Variants in CALD1 observed in about 807,000 individuals in gnomAD.
The protein encoded by CALD1 is caldesmon.
CALD1 carries 33 observed loss-of-function variants against 99.9 expected under a neutral mutation model. The observed-to-expected ratio is 0.33, with a 90% CI of 0.25 to 0.44. The LOEUF is 0.44. Ranked by LOEUF, CALD1 falls within the 20% of genes least tolerant of loss-of-function variation. The pLI, the probability that CALD1 is intolerant of heterozygous loss-of-function variation, is 1.00. For missense variants in CALD1, 861 were observed against 962.1 expected (o/e 0.89, Z 1.39); for synonymous variants, 310 against 325.0 (o/e 0.95, Z 0.50).
chr7:134,824,562 T>A (rs1389346197), intron 1 of CALD1, among the ~76,000 whole-genome samples: 1 of 152,164 alleles, frequency 6.6e-6, no homozygotes, highest in African/African-American at 2.4e-5. Context: ...TAGCTTCAAC[T>A]CTTCCACCTC....
intron 2 of CALD1, among the ~76,000 whole-genome samples, chr7:134,856,940 C>G (rs1170963903): frequency 6.6e-6 from 1 of 152,046 alleles, no homozygotes; most frequent in South Asian, 2.1e-4. Context: ...GAGCCTAATG[C>G]GGAGTATAAG....
chr7:134,766,141 C>CTTTTTTTTTTT lies in CALD1; in HGVS notation c.-130+21796_-130+21806dup, dbSNP rs71172475. On this transcript the variant is annotated intron_variant, in intron 1 of 13. Transcript: ENST00000417172. ...GAGCCCCTTAAACCTCTTTTCTTTTCTTTTTTTTTTTTTTTTTTTTTTTTT... is the reference window on the plus strand; with the variant it reads ...GAGCCCCTTAAACCTCTTTTCTTTTCTTTTTTTTTTTTTTTTTTTTTTTTTTTTTTTTTTTT... 1.5e-3 allele frequency among the ~76,000 whole-genome samples: 109 copies of CTTTTTTTTTTT among 70,812 alleles called. 1 individual carries two copies. Among genetic ancestry groups the CTTTTTTTTTTT allele is most frequent in the Non-Finnish European group, 2.2e-3 (80 of 36,858 alleles). 46.5% of individuals were successfully genotyped at this position (70,812 alleles called of 152,430 possible).
intron 1 of CALD1, among the ~76,000 whole-genome samples, chr7:134,771,918 T>A (rs566905896): frequency 5.2e-4 from 79 of 152,298 alleles, no homozygotes; most frequent in South Asian, 1.0e-3. Context: ...ACTCTTTTTT[T>A]AAATTTTTTT....
intron 3 of CALD1, among the ~76,000 whole-genome samples, chr7:134,907,827 CCTT>C (rs1803514770): frequency 6.6e-6 from 1 of 151,998 alleles, no homozygotes; most frequent in Non-Finnish European, 1.5e-5. Flanking sequence ...CACGAGCAAT[CCTT>C]CTGGCCGCTG....
chr7:134,726,981 A>G, the CALD1 span, among the ~76,000 whole-genome samples: 1 of 152,180 alleles, frequency 6.6e-6, no homozygotes, highest in African/African-American at 2.4e-5. Context: ...GCCAACCTCC[A>G]GAAATGTTCC....
At chr7:134,895,098 T>G (rs189780735) in intron 3 of CALD1, among the ~76,000 whole-genome samples, 2 of 67,548 alleles carry the variant, frequency 3.0e-5, no homozygotes, top group Admixed American at 1.2e-4. Flanking sequence ...TGCTGGGAAA[T>G]AAATAAATAA....
In CALD1 at chr7:134,847,640, G is replaced by A. The variant is rs542082013; in HGVS notation, c.-42+3669G>A. 3.9e-5 allele frequency among the ~76,000 whole-genome samples: 6 copies of A among 152,304 alleles called. No individual in the cohort carries two copies. In the South Asian group the frequency reaches 8.3e-4, roughly 21 times the overall value. On this transcript the variant is annotated intron_variant, in intron 2 of 14. Coordinates refer to ENST00000361675, the MANE Select transcript of CALD1 (RefSeq NM_033138.4). Reference sequence around the variant, plus strand: ...GTAGAGGACATTCCAACACCACCACGTGCAGCTTTAGTAACCTTGCCCAAA... The same window carrying A: ...GTAGAGGACATTCCAACACCACCACATGCAGCTTTAGTAACCTTGCCCAAA...
intron 3 of CALD1, among the ~76,000 whole-genome samples, chr7:134,894,993 A>G (rs1369012942): frequency 6.6e-6 from 1 of 151,944 alleles, no homozygotes; most frequent in Non-Finnish European, 1.5e-5. Flanking sequence ...ACAAACATGG[A>G]AGGGTATGTA....
chr7:134,819,669 G>A (rs933982521), intron 1 of CALD1, among the ~76,000 whole-genome samples: 2 of 152,114 alleles, frequency 1.3e-5, no homozygotes, highest in Non-Finnish European at 2.9e-5. Context: ...CATCTAAGAA[G>A]CCCTTGTAAA....
chr7:134,960,152 AT>A (rs1808149966), intron 12 of CALD1, 41 bp downstream of exon 12: 6 of 1,603,742 alleles, frequency 3.7e-6, no homozygotes, highest in African/African-American at 1.3e-5. Context: ...AGAGGGGCAT[AT>A]TTTTTTGCAT....
At chr7:134,870,716 TTTCC>T (rs946209250) in intron 3 of CALD1, among the ~76,000 whole-genome samples, 1 of 150,902 alleles carries the variant, frequency 6.6e-6, no homozygotes, top group Non-Finnish European at 1.5e-5. Context: ...CTTCCATTCA[TTTCC>T]TTCCTTCCTC....
intron 3 of CALD1, among the ~76,000 whole-genome samples, chr7:134,915,590 T>C (rs1804147362): frequency 6.6e-6 from 1 of 152,192 alleles, no homozygotes; most frequent in Non-Finnish European, 1.5e-5. Flanking sequence ...CCTCAAGTCA[T>C]TTAAGTGCTG....
At chr7:134,785,037 T>C (rs1797253292) in intron 1 of CALD1, among the ~76,000 whole-genome samples, 1 of 152,152 alleles carries the variant, frequency 6.6e-6, no homozygotes, top group Admixed American at 6.5e-5. Context: ...ATCCAGGCAG[T>C]GGTCACCCCT....
chr7:134,726,156 T>C, the CALD1 span, among the ~76,000 whole-genome samples: 1 of 151,618 alleles, frequency 6.6e-6, no homozygotes, highest in Non-Finnish European at 1.5e-5. Flanking sequence ...AAATCCACAA[T>C]GGCTAACATC....
intron 2 of CALD1, among the ~76,000 whole-genome samples, chr7:134,862,446 G>A (rs1800603590): frequency 6.6e-6 from 1 of 152,184 alleles, no homozygotes; most frequent in South Asian, 2.1e-4. Context: ...GTGTTGTTAA[G>A]TGGAATAAGC....
Position 134,958,075 on chromosome 7 carries a change from G to A in CALD1, c.1942G>A (p.Glu648Lys), listed in dbSNP as rs1488791128. 6.2e-7 allele frequency: 1 copy of A among 1,604,610 alleles called. No individual in the cohort carries two copies. The highest frequency in any genetic ancestry group is 1.7e-5 in the Admixed American group (1 of 59,982). Residue 648 changes from glutamate (E) to lysine (K), a missense_variant, in exon 10 of 15, where the codon GAG becomes AAG. Glu to Lys is a moderately conservative substitution (Grantham distance 56). Around this residue, in one of 5 missense-constraint regions of CALD1, gnomAD observed 190 missense variants for 249.0 expected, o/e 0.76. Coordinates refer to ENST00000361675, the MANE Select transcript of CALD1 (RefSeq NM_033138.4). Reference sequence around the variant, plus strand: ...TTTCTTTTGTAATTCCTAGATAGAAGAGCGAGCAGAATTTTTGAATAAGTC... The same window carrying A: ...TTTCTTTTGTAATTCCTAGATAGAAAAGCGAGCAGAATTTTTGAATAAGTC... ...TPKGSSLKIEERAEFLNKSVQ... is the reference protein window; with the variant it reads ...TPKGSSLKIEKRAEFLNKSVQ...
At chr7:134,758,501 GGTGTGTGTGTGTGTGTGT>G (rs59389296) in intron 1 of CALD1, among the ~76,000 whole-genome samples, 4 of 145,114 alleles carry the variant, frequency 2.8e-5, no homozygotes, top group African/African-American at 2.6e-5. Flanking sequence ...CTCCCATTGG[GGTGTGTGTGTGTGTGTGT>G]GTGTGTGTGT....
upstream of CALD1, among the ~76,000 whole-genome samples, chr7:134,776,515 A>G (rs1170383866): frequency 6.6e-6 from 1 of 152,090 alleles, no homozygotes; most frequent in African/African-American, 2.4e-5. Context: ...GTTGGATTCA[A>G]TTACTAATTT....
chr7:134,785,226 C>T (rs2131708891), intron 1 of CALD1, among the ~76,000 whole-genome samples: 1 of 152,282 alleles, frequency 6.6e-6, no homozygotes, highest in Non-Finnish European at 1.5e-5. Context: ...CACTGTGACC[C>T]ACTGAGCCAG....
Sources: allele counts gnomAD v4.1 joint callset (sites outside exome capture counted in the v4.1 genomes callset), GRCh38; gene constraint gnomAD v4.1.1; regional missense constraint gnomAD v4.1.1; transcripts MANE v1.5; gene names NCBI Gene and HGNC (gene_info 2026-07-23, HGNC 2026-07-21).